The following CCSER1 variants were observed in gnomAD, a reference collection of about 807,000 sequenced individuals.
The protein encoded by CCSER1 is coiled-coil serine rich protein 1.
A neutral mutation model predicts 82.0 loss-of-function variants in CCSER1; 41 were observed. The ratio of observed to expected loss-of-function variants is 0.50; its 90% CI spans 0.39 to 0.65. The LOEUF is 0.65. Ranked by LOEUF, CCSER1 falls within the 30% of genes least tolerant of loss-of-function variation. The probability of loss-of-function intolerance (pLI) is 0.00; values close to 1 mark genes in which losing one functional copy is unlikely to be tolerated. For missense variants in CCSER1, 1,119 were observed against 1,064.2 expected (o/e 1.05, Z -0.72); for synonymous variants, 414 against 383.9 (o/e 1.08, Z -0.92).
At chr4:90,276,213 T>C (rs910940335) in intron 1 of CCSER1, among the ~76,000 whole-genome samples, 1 of 77,322 alleles carries the variant, frequency 1.3e-5, no homozygotes, top group African/African-American at 5.1e-5. Flanking sequence ...TTTCTTTCTT[T>C]CTTTCTTTCT....
At chr4:90,231,751 G>A (rs936668808) in intron 1 of CCSER1, among the ~76,000 whole-genome samples, 1 of 152,132 alleles carries the variant, frequency 6.6e-6, no homozygotes, top group Non-Finnish European at 1.5e-5. Flanking sequence ...ATCTCCTTAA[G>A]CTGCTAAGCA....
chr4:90,838,984 C>T (rs1251340827), intron 8 of CCSER1: 15 of 1,612,984 alleles, frequency 9.3e-6, no homozygotes, highest in Non-Finnish European at 1.3e-5. Context: ...CTGTCTTCTT[C>T]AGTTTCGGCT....
At chr4:91,002,984 T>C (rs1429552743) in intron 9 of CCSER1, among the ~76,000 whole-genome samples, 1 of 152,188 alleles carries the variant, frequency 6.6e-6, no homozygotes, top group Non-Finnish European at 1.5e-5. Context: ...GGATGTGGCT[T>C]CCTGTGATCC....
At chr4:90,180,453 G>C (rs1224286623) in intron 1 of CCSER1, among the ~76,000 whole-genome samples, 1 of 151,972 alleles carries the variant, frequency 6.6e-6, no homozygotes, top group Admixed American at 6.6e-5. Context: ...GCCAGGCCTG[G>C]TGGCAGGCAC....
At chr4:90,924,271 A>T (rs1728773866) in intron 9 of CCSER1, among the ~76,000 whole-genome samples, 1 of 152,180 alleles carries the variant, frequency 6.6e-6, no homozygotes, top group Non-Finnish European at 1.5e-5. Context: ...GATGATGAAT[A>T]ATGATAAATT....
intron 8 of CCSER1, among the ~76,000 whole-genome samples, chr4:90,889,812 A>G (rs1438234317): frequency 6.6e-6 from 1 of 152,184 alleles, no homozygotes; most frequent in South Asian, 2.1e-4. Context: ...ATAATCTTTT[A>G]ATGTTTTCTT....
chr4:90,203,630 A>G (rs1324353535), intron 1 of CCSER1, among the ~76,000 whole-genome samples: 1 of 152,140 alleles, frequency 6.6e-6, no homozygotes, highest in Non-Finnish European at 1.5e-5. Flanking sequence ...AGTCTTTGCT[A>G]TTGTGAATAG....
At chr4:90,918,747 C>G (rs958845785) in intron 8 of CCSER1, among the ~76,000 whole-genome samples, 12 of 133,592 alleles carry the variant, frequency 9.0e-5, no homozygotes, top group Non-Finnish European at 1.6e-4. Context: ...CTATGAATAT[C>G]CAGTGTGTAA....
chr4:91,151,302 G>C (rs940325871), intron 10 of CCSER1, among the ~76,000 whole-genome samples: 1 of 151,988 alleles, frequency 6.6e-6, no homozygotes, highest in Non-Finnish European at 1.5e-5. Flanking sequence ...ATCTCTGTGG[G>C]ATCAGTGGTG....
chr4:90,206,651 T>C (rs1457714900), intron 1 of CCSER1, among the ~76,000 whole-genome samples: 1 of 152,040 alleles, frequency 6.6e-6, no homozygotes, highest in African/African-American at 2.4e-5. Flanking sequence ...GATGTGGTGC[T>C]GAGAAGAATG....
chr4:91,216,522 G>A (rs938565209), intron 10 of CCSER1, among the ~76,000 whole-genome samples: 7 of 151,964 alleles, frequency 4.6e-5, no homozygotes, highest in South Asian at 2.1e-4. Context: ...GGGTTTCACC[G>A]TGTTAGCCAG....
At chr4:91,565,622 G>T (rs1169203529) in intron 10 of CCSER1, among the ~76,000 whole-genome samples, 1 of 151,756 alleles carries the variant, frequency 6.6e-6, no homozygotes, top group Admixed American at 6.6e-5. Flanking sequence ...CACCTCTTTG[G>T]TTAGCTGTAG....
chr4:91,596,215 A>G (rs1206722928), intron 10 of CCSER1, among the ~76,000 whole-genome samples: 1 of 152,046 alleles, frequency 6.6e-6, no homozygotes, highest in Admixed American at 6.6e-5. Context: ...ATTCAATTTA[A>G]TATAATATGC....
intron 8 of CCSER1, among the ~76,000 whole-genome samples, chr4:90,920,336 A>G (rs144359147): frequency 2.0e-5 from 3 of 151,994 alleles, no homozygotes; most frequent in African/African-American, 7.2e-5. Flanking sequence ...AATTGAGCTG[A>G]CTCTCAAATC....
intron 10 of CCSER1, among the ~76,000 whole-genome samples, chr4:91,448,969 G>A (rs973128787): frequency 3.3e-5 from 5 of 152,022 alleles, no homozygotes; most frequent in Admixed American, 6.6e-5. Context: ...GTAGGGGGTA[G>A]GTATGGTTTA....
chr4:91,367,448 T>TA (rs1749711190), intron 10 of CCSER1, among the ~76,000 whole-genome samples: 1 of 149,256 alleles, frequency 6.7e-6, no homozygotes, highest in Non-Finnish European at 1.5e-5. Flanking sequence ...TTTTTTTTTT[T>TA]AACACACAGA....
intron 9 of CCSER1, among the ~76,000 whole-genome samples, chr4:91,036,544 C>T (rs543461182): frequency 6.6e-6 from 1 of 152,198 alleles, no homozygotes; most frequent in Non-Finnish European, 1.5e-5. Flanking sequence ...TTGTTCAAGA[C>T]AGAAACCACG....
chr4:91,032,237 C>G (rs999950152), intron 9 of CCSER1, among the ~76,000 whole-genome samples: 2 of 152,074 alleles, frequency 1.3e-5, no homozygotes, highest in Non-Finnish European at 2.9e-5. Flanking sequence ...AATATGTTAA[C>G]ATGCATTTTT....
At chr4:91,593,031 A>G (rs1001099035) in intron 10 of CCSER1, among the ~76,000 whole-genome samples, 1 of 152,234 alleles carries the variant, frequency 6.6e-6, no homozygotes, top group South Asian at 2.1e-4. Flanking sequence ...TTCATTAATC[A>G]GTGATTGAAG....
Sources: gnomAD v4.1 joint callset for allele counts (sites outside exome capture counted in the v4.1 genomes callset) on GRCh38, gnomAD v4.1.1 for gene constraint, MANE v1.5 for transcripts, NCBI Gene and HGNC (gene_info 2026-07-23, HGNC 2026-07-21) for gene names.